ZNF479: variants seen among roughly 807,000 people sequenced by gnomAD.
ZNF479 encodes KRAB zinc finger protein KR19.
In ZNF479, 15 loss-of-function variants were observed where a neutral mutation model predicts 14.7. The observed-to-expected ratio is 1.02, with a 90% CI of 0.68 to 1.57. ZNF479 has a LOEUF of 1.57. Among genes scored for constraint, ZNF479 ranks in the 40% most tolerant of loss-of-function variants. The probability of loss-of-function intolerance (pLI) is 0.00; values close to 1 mark genes in which losing one functional copy is unlikely to be tolerated. For synonymous variants in ZNF479, 145 were observed against 211.5 expected (o/e 0.69, Z 2.73); for missense variants, 506 against 615.1 (o/e 0.82, Z 1.88).
At chr7:57,138,213 CCA>C (rs1562854715) in intron 1 of ZNF479, among the ~76,000 whole-genome samples, 1 of 152,176 alleles carries the variant, frequency 6.6e-6, no homozygotes, top group East Asian at 1.9e-4. Flanking sequence ...GTGAACCCAG[CCA>C]GTAGAAGACA....
intron 1 of ZNF479, among the ~76,000 whole-genome samples, chr7:57,138,713 G>C (rs546666284): frequency 6.6e-6 from 1 of 152,220 alleles, no homozygotes; most frequent in Admixed American, 6.5e-5. Context: ...AAAGCCCTCA[G>C]ATGGTACAGA....
Position 57,119,231 on chromosome 7 carries a change from C to T in ZNF479, c.*609G>A, listed in dbSNP as rs1209446211. ...GTTCAAGACTAGTTAACAGCTTTAC[C>T]ACATTCTTTGCTTTTGTAGAGTTTC... On this transcript the variant is annotated 3_prime_UTR_variant, in exon 4 of 4. Transcript: ENST00000319636. Among the ~76,000 whole-genome samples, 1 of 152,076 alleles carries T rather than the reference C, an allele frequency of 6.6e-6. No homozygotes were observed. The highest frequency in any genetic ancestry group is 1.5e-5 in the Non-Finnish European group (1 of 68,006).
chr7:57,130,993 G>T (rs1394011018), intron 1 of ZNF479, among the ~76,000 whole-genome samples: 1 of 152,100 alleles, frequency 6.6e-6, no homozygotes, highest in African/African-American at 2.4e-5. Context: ...TAGAAAACTA[G>T]TGCTGGAACA....
intron 1 of ZNF479, among the ~76,000 whole-genome samples, chr7:57,130,346 G>A (rs1786360142): frequency 6.6e-6 from 1 of 152,056 alleles, no homozygotes; most frequent in African/African-American, 2.4e-5. Flanking sequence ...GGTGGCACAT[G>A]CCTGTAATCC....
At chr7:57,121,951 C>A (rs1310817324) in intron 3 of ZNF479, among the ~76,000 whole-genome samples, 1 of 151,408 alleles carries the variant, frequency 6.6e-6, no homozygotes, top group Non-Finnish European at 1.5e-5. Flanking sequence ...AATAAGAATA[C>A]CAACAAAACT....
intron 1 of ZNF479, among the ~76,000 whole-genome samples, chr7:57,127,009 GTTTTTCTTTTT>G (rs1177615108): frequency 8.4e-5 from 12 of 142,332 alleles, no homozygotes; most frequent in African/African-American, 2.3e-4. Context: ...TTTCTTTTCT[GTTTTTCTTTTT>G]TTTTTCTTTT....
At chr7:57,138,821 C>T (rs1786756824) in intron 1 of ZNF479, among the ~76,000 whole-genome samples, 1 of 152,130 alleles carries the variant, frequency 6.6e-6, no homozygotes, top group Admixed American at 6.5e-5. Context: ...AGGGAGAGAG[C>T]AAAATAGTTC....
chr7:57,126,721 G>A lies in ZNF479; in HGVS notation c.40-3C>T, dbSNP rs1226864260. ...ATGTCTCTGAATGTCAACAGTCCCT[G>A]GAAAACAAACAAACAAAACCACTCA... On this transcript the variant is annotated splice_region_variant and splice_polypyrimidine_tract_variant and intron_variant, in intron 1 of 3. Coordinates refer to ENST00000319636, the MANE Select transcript of ZNF479 (RefSeq NM_001370129.2). The A allele has an allele frequency of 2.5e-6, 4 of 1,613,724 alleles. No individual in the cohort carries two copies. Among genetic ancestry groups the A allele is most frequent in the Non-Finnish European group, 3.4e-6 (4 of 1,179,918 alleles).
rs542251796 is a variant in ZNF479 at position 57,119,326 on chromosome 7, T to C, written c.*514A>G. 6.6e-6 allele frequency among the ~76,000 whole-genome samples: 1 copy of C among 152,316 alleles called. No homozygotes were observed. Among genetic ancestry groups the C allele is most frequent in the East Asian group, 1.9e-4 (1 of 5,170 alleles). ...CTTAAAGGTTTTGTCACTTTTTTTA[T>C]GTTTCTAGGGTCTCTGTAATATAAG... On this transcript the variant is annotated 3_prime_UTR_variant, in exon 4 of 4. Coordinates refer to ENST00000319636, the MANE Select transcript of ZNF479 (RefSeq NM_001370129.2).
chr7:57,135,653 T>A (rs2115906977), upstream of ZNF479, among the ~76,000 whole-genome samples: 1 of 152,246 alleles, frequency 6.6e-6, no homozygotes, highest in East Asian at 1.9e-4. Flanking sequence ...CCTCAGCTGA[T>A]CCACCTGCCT....
chr7:57,130,165 T>A lies in ZNF479; in HGVS notation c.39+2121A>T, dbSNP rs1386656274. Among the ~76,000 whole-genome samples, 8 of 152,212 alleles carry A rather than the reference T, an allele frequency of 5.3e-5. No homozygotes were observed. In the East Asian group the frequency reaches 1.5e-3, roughly 29 times the overall value. On this transcript the variant is annotated intron_variant, in intron 1 of 3. Coordinates refer to ENST00000319636, the MANE Select transcript of ZNF479 (RefSeq NM_001370129.2). ...AGCTGAAATGAAGAAGTTTGAGACA[T>A]AAATAACTATAAAAAGTTCAATGGG...
intron 1 of ZNF479, among the ~76,000 whole-genome samples, chr7:57,129,945 C>G (rs1283169274): frequency 1.3e-5 from 2 of 152,032 alleles, no homozygotes; most frequent in Non-Finnish European, 2.9e-5. Context: ...CTAATTACAA[C>G]CGAAATACAA....
Position 57,120,372 on chromosome 7 carries a change from G to C in ZNF479, c.1043C>G (p.Thr348Ser), listed in dbSNP as rs781866460. The C allele has an allele frequency of 2.5e-6, 4 of 1,613,524 alleles. No homozygotes were observed. Among genetic ancestry groups the C allele is most frequent in the Non-Finnish European group, 2.5e-6 (3 of 1,179,758 alleles). The change falls in exon 4 of 4, where the codon ACT becomes AGT. Residue 348 changes from threonine to serine, a missense_variant. Coordinates refer to ENST00000319636, the MANE Select transcript of ZNF479 (RefSeq NM_001370129.2). ...TTCACAGGCATAGGGTTTCTCTCTA[G>C]TATGAATTCTCTTATGTCTAGTAAG... ...SNLTRHKRIH[T>S]REKPYACEEC...
chr7:57,126,018 C>T lies in ZNF479; in HGVS notation c.262G>A (p.Val88Ile), dbSNP rs746423103. ...ATCTGCTTCATTCGCTCTCACCTAC[C>T]TGGGTGTTTGGCTACCATCTCATTT... ...KRNEMVAKHPVTRSHFTQDLQ... is the reference protein window; with the variant it reads ...KRNEMVAKHPITRSHFTQDLQ... Residue 88 changes from valine to isoleucine, a missense_variant and splice_region_variant, in exon 3 of 4, where the codon GTT becomes ATT. Val to Ile is a conservative substitution (Grantham distance 29). This residue lies in a region of ZNF479 where 420 missense variants were observed against 474.2 expected (regional missense o/e 0.89). Coordinates refer to ENST00000319636, the MANE Select transcript of ZNF479 (RefSeq NM_001370129.2). The T allele has an allele frequency of 6.2e-7, 1 of 1,603,606 alleles. No homozygotes were observed. Among genetic ancestry groups the T allele is most frequent in the Non-Finnish European group, 8.5e-7 (1 of 1,179,836 alleles).
At chr7:57,127,454 G>A in intron 1 of ZNF479, 2 of 708,004 alleles carry the variant, frequency 2.8e-6, no homozygotes, top group Non-Finnish European at 3.5e-6. Flanking sequence ...TAAAGATCTT[G>A]TGAGATTTTG....
At chr7:57,135,405 GTTTGTTTGTTTT>G (rs1325647133), upstream of ZNF479, among the ~76,000 whole-genome samples, 1 of 151,932 alleles carries the variant, frequency 6.6e-6, no homozygotes, top group South Asian at 2.1e-4. Context: ...CTTTGTGTTT[GTTTGTTTGTTTT>G]TTTGTTTGTT....
intron 1 of ZNF479, among the ~76,000 whole-genome samples, chr7:57,138,312 T>C (rs1346471653): frequency 6.6e-6 from 1 of 152,186 alleles, no homozygotes; most frequent in Non-Finnish European, 1.5e-5. Context: ...ATCACACTCA[T>C]GTATATTCTA....
At position 57,119,734 on chromosome 7, in the gene ZNF479, G is replaced by A. The variant is rs1785816403; in HGVS notation, c.*106C>T. 2.1e-5 allele frequency: 23 copies of A among 1,081,624 alleles called. 2 individuals are homozygous for A. The South Asian group carries it at 3.9e-4, about 18-fold the overall frequency. The allele number at this position is 1,081,624 out of a possible 1,614,324, so 67.0% of individuals were successfully genotyped here. A position where few individuals can be genotyped will look rare whatever the true frequency, so the allele number is the denominator to read the frequency against. ...ATGAATTCTCTTACATTCAATTAAGGTTTGGAACTGGTTAAAGGCTTGGCC... is the reference window on the plus strand; with the variant it reads ...ATGAATTCTCTTACATTCAATTAAGATTTGGAACTGGTTAAAGGCTTGGCC... On this transcript the variant is annotated 3_prime_UTR_variant, in exon 4 of 4. Transcript: ENST00000319636.
In ZNF479 at chr7:57,120,460, G is replaced by T. The variant is rs782397414; in HGVS notation, c.955C>A (p.His319Asn). 7 of 1,611,318 alleles carry T rather than the reference G, an allele frequency of 4.3e-6. No individual in the cohort carries two copies. The South Asian group carries it at 7.7e-5, about 18-fold the overall frequency. The change falls in exon 4 of 4, where the codon CAT (histidine) becomes AAT (asparagine). Residue 319 changes from histidine (H) to asparagine (N), a missense_variant. His to Asn is a moderately conservative substitution (Grantham distance 68). This residue lies in a region of ZNF479 where 420 missense variants were observed against 474.2 expected (regional missense o/e 0.89). Coordinates refer to ENST00000319636, the MANE Select transcript of ZNF479 (RefSeq NM_001370129.2). ...CACCTGCAGGGTTTCTCTCCAGTAT[G>T]AATTCTCTTGTGGTCAGTGAGGGTT... ...SSTLTDHKRI[H>N]TGEKPCRCEE... is the part of the protein sequence containing the mutation.
Sources: gnomAD v4.1 joint callset for allele counts (sites outside exome capture counted in the v4.1 genomes callset) on GRCh38, gnomAD v4.1.1 for gene constraint, gnomAD v4.1.1 regional missense constraint, MANE v1.5 for transcripts, NCBI Gene and HGNC (gene_info 2026-07-23, HGNC 2026-07-21) for gene names.